The following NOSTRIN variants were observed in gnomAD, a reference collection of about 807,000 sequenced individuals.
NOSTRIN encodes the protein nitric oxide synthase trafficking.
NOSTRIN carries 63 observed loss-of-function variants against 59.0 expected under a neutral mutation model. That is an observed-to-expected ratio of 1.07 (90% CI 0.87 to 1.32). NOSTRIN has a LOEUF of 1.32. NOSTRIN is among the 40% of genes most tolerant of loss of function. NOSTRIN has a pLI of 0.00. For synonymous variants in NOSTRIN, 200 were observed against 165.4 expected (o/e 1.21, Z -1.61); for missense variants, 512 against 473.1 (o/e 1.08, Z -0.76).
intron 8 of NOSTRIN, among the ~76,000 whole-genome samples, chr2:168,849,904 A>C (rs1688652246): frequency 7.7e-6 from 1 of 130,314 alleles, no homozygotes; most frequent in Admixed American, 8.4e-5. Flanking sequence ...GGGTCCAATA[A>C]GTAACATTTT....
chr2:168,802,716 G>A, intron 1 of NOSTRIN, 43 bp downstream of exon 1: 1 of 861,484 alleles, frequency 1.2e-6, no homozygotes, highest in Non-Finnish European at 2.0e-6. Context: ...TGTGAGGAGG[G>A]TGGAGGGTGG....
chr2:168,834,498 C>G, intron 7 of NOSTRIN, among the ~76,000 whole-genome samples, 173 bp downstream of exon 7: 1 of 102,052 alleles, frequency 9.8e-6, no homozygotes, highest in South Asian at 3.6e-4. Flanking sequence ...CGTGCGCGCG[C>G]GCGCGCGCGC....
upstream of NOSTRIN, among the ~76,000 whole-genome samples, chr2:168,793,858 T>G (rs1685417556): frequency 6.6e-6 from 1 of 152,190 alleles, no homozygotes. Flanking sequence ...ATAGTTTCTG[T>G]TACGTAAACA....
At chr2:168,807,516 C>T (rs577018416) in intron 1 of NOSTRIN, among the ~76,000 whole-genome samples, 80 of 152,232 alleles carry the variant, frequency 5.3e-4, no homozygotes, top group Non-Finnish European at 4.4e-4. Flanking sequence ...GAATTTTTGG[C>T]GTATAGTATA....
chr2:168,823,149 T>G (rs1404136098), intron 2 of NOSTRIN, among the ~76,000 whole-genome samples: 3 of 152,202 alleles, frequency 2.0e-5, no homozygotes, highest in Admixed American at 1.3e-4. Context: ...CCTGAATAGC[T>G]GGGACTACAG....
At chr2:168,860,496 C>T (rs1470972780) in intron 13 of NOSTRIN, among the ~76,000 whole-genome samples, 1 of 152,080 alleles carries the variant, frequency 6.6e-6, no homozygotes. Flanking sequence ...CACGGTGAAA[C>T]CCCGTCTCTA....
At chr2:168,822,388 C>T (rs927666007) in intron 2 of NOSTRIN, among the ~76,000 whole-genome samples, 3 of 152,162 alleles carry the variant, frequency 2.0e-5, no homozygotes, top group African/African-American at 7.2e-5. Flanking sequence ...GATCAATAGC[C>T]CATCATCTCT....
chr2:168,857,714 C>T (rs542458708), intron 12 of NOSTRIN, among the ~76,000 whole-genome samples: 1 of 152,306 alleles, frequency 6.6e-6, no homozygotes, highest in South Asian at 2.1e-4. Flanking sequence ...ATCTGAGAAT[C>T]ATTTAAGGAG....
intron 3 of NOSTRIN, among the ~76,000 whole-genome samples, chr2:168,825,589 G>A (rs936897889): frequency 6.6e-6 from 1 of 152,198 alleles, no homozygotes; most frequent in African/African-American, 2.4e-5. Flanking sequence ...GGAGAGCTTA[G>A]CACATTAGGT....
At chr2:168,844,548 T>C (rs904553216) in intron 8 of NOSTRIN, among the ~76,000 whole-genome samples, 4 of 152,148 alleles carry the variant, frequency 2.6e-5, no homozygotes, top group African/African-American at 4.8e-5. Flanking sequence ...TATGAGAACA[T>C]TGAGGCTGGA....
upstream of NOSTRIN, among the ~76,000 whole-genome samples, chr2:168,802,011 G>A (rs1357902263): frequency 6.6e-6 from 1 of 152,078 alleles, no homozygotes; most frequent in Non-Finnish European, 1.5e-5. Context: ...ATAGGTGTAG[G>A]TTCCTAGTTG....
upstream of NOSTRIN, among the ~76,000 whole-genome samples, chr2:168,794,836 C>T (rs1357330508): frequency 6.7e-6 from 1 of 150,170 alleles, no homozygotes; most frequent in East Asian, 2.0e-4. Flanking sequence ...CTCAAGGGAT[C>T]CTCCTGCCTC....
At chr2:168,863,560 A>G (rs1281503806) in intron 15 of NOSTRIN, 4 of 985,190 alleles carry the variant, frequency 4.1e-6, no homozygotes, top group Non-Finnish European at 4.8e-6. Context: ...CTTTATTTGA[A>G]TCATTGCTTT....
Position 168,840,386 on chromosome 2 carries a change from C to T in NOSTRIN, c.505-2606C>T, listed in dbSNP as rs962094840. ...TCTACTAAAAATACAAAAAATTAGC[C>T]GGGCGTGGTGGCAGGCACCTGTAGT... On this transcript the variant is annotated intron_variant, in intron 7 of 15. Coordinates refer to ENST00000317647, the MANE Select transcript of NOSTRIN (RefSeq NM_001039724.4). Among the ~76,000 whole-genome samples, 17 of 151,762 alleles carry T rather than the reference C, an allele frequency of 1.1e-4. 1 individual carries two copies. Among genetic ancestry groups the T allele is most frequent in the African/African-American group, 3.4e-4 (14 of 41,288 alleles).
At chr2:168,834,361 A>T (rs780631677) in intron 7 of NOSTRIN, 36 bp downstream of exon 7, 2 of 864,266 alleles carry the variant, frequency 2.3e-6, no homozygotes, top group Non-Finnish European at 4.0e-6. Flanking sequence ...CATGTGCCAT[A>T]GAGAGGGATG....
intron 3 of NOSTRIN, among the ~76,000 whole-genome samples, chr2:168,826,569 TC>T (rs1368206253): frequency 2.6e-5 from 4 of 152,162 alleles, no homozygotes; most frequent in Non-Finnish European, 1.5e-5. Context: ...CAGAGATTCT[TC>T]CAAGGTCATG....
chr2:168,834,488 C>CGT (rs1559122733), intron 7 of NOSTRIN, among the ~76,000 whole-genome samples, 163 bp downstream of exon 7: 5 of 87,346 alleles, frequency 5.7e-5, no homozygotes, highest in Admixed American at 2.7e-4. Context: ...TCATTACTGG[C>CGT]GTGCGCGCGC....
chr2:168,824,044 C>T (rs947840750), intron 2 of NOSTRIN, among the ~76,000 whole-genome samples: 4 of 152,132 alleles, frequency 2.6e-5, no homozygotes, highest in African/African-American at 9.7e-5. Context: ...CATTGCACTC[C>T]AGCCTGGGCA....
Position 168,824,740 on chromosome 2 carries a change from G to C in NOSTRIN, c.197+23G>C, listed in dbSNP as rs370076071. 1.4e-3 allele frequency: 1,210 copies of C among 868,658 alleles called. 1 individual carries two copies. The highest frequency in any genetic ancestry group is 1.7e-3 in the Non-Finnish European group (865 of 499,598). The allele number at this position is 868,658 out of a possible 1,614,324, so 53.8% of individuals were successfully genotyped here. On this transcript the variant is annotated intron_variant, in intron 3 of 15. Coordinates refer to ENST00000317647, the MANE Select transcript of NOSTRIN (RefSeq NM_001039724.4). ...AAGGTAAGTATTGTGGCAGAGGTAAGGCAAAATCAACCCTTTTTTTATTTG... is the reference window on the plus strand; with the variant it reads ...AAGGTAAGTATTGTGGCAGAGGTAACGCAAAATCAACCCTTTTTTTATTTG...
Sources: gnomAD v4.1 joint callset for allele counts (sites outside exome capture counted in the v4.1 genomes callset) on GRCh38, gnomAD v4.1.1 for gene constraint, MANE v1.5 for transcripts, NCBI Gene and HGNC (gene_info 2026-07-23, HGNC 2026-07-21) for gene names.